The following MPP7 variants were observed in gnomAD, a reference collection of about 807,000 sequenced individuals.
MPP7 encodes MAGUK p55 scaffold protein 7, also known as MAGUK p55 subfamily member 7.
In MPP7, 60 loss-of-function variants were observed where a neutral mutation model predicts 76.5. The observed-to-expected ratio is 0.78, with a 90% confidence interval of 0.64 to 0.97. The LOEUF (loss-of-function observed/expected upper bound fraction) is 0.97. Ranked by LOEUF, MPP7 falls within the 50% of genes least tolerant of loss-of-function variation. The pLI is 0.00. For synonymous variants in MPP7, 237 were observed against 244.5 expected (o/e 0.97, Z 0.29); for missense variants, 641 against 694.0 (o/e 0.92, Z 0.86).
At chr10:28,223,599 T>C (rs1354267183) in intron 2 of MPP7, among the ~76,000 whole-genome samples, 1 of 152,146 alleles carries the variant, frequency 6.6e-6, no homozygotes, top group East Asian at 1.9e-4. Context: ...ATTACTGTTT[T>C]ACAAAATTAC....
chr10:28,281,668 T>C (rs1488805954), intron 1 of MPP7, among the ~76,000 whole-genome samples: 1 of 152,112 alleles, frequency 6.6e-6, no homozygotes, highest in Non-Finnish European at 1.5e-5. Flanking sequence ...TGCCAGGCAC[T>C]GCACTAAATA....
At chr10:28,323,546 C>A (rs1834385697) in intron 2 of MPP7, among the ~76,000 whole-genome samples, 1 of 151,958 alleles carries the variant, frequency 6.6e-6, no homozygotes, top group African/African-American at 2.4e-5. Context: ...AATTGCTGCT[C>A]TAAGAATTGT....
At chr10:28,173,733 C>T (rs1291953464) in intron 3 of MPP7, among the ~76,000 whole-genome samples, 6 of 152,102 alleles carry the variant, frequency 3.9e-5, no homozygotes, top group African/African-American at 1.4e-4. Context: ...TTCTCAACAC[C>T]TAGGAAAAAC....
intron 6 of MPP7, among the ~76,000 whole-genome samples, chr10:28,126,137 A>C (rs911150823): frequency 2.0e-5 from 3 of 152,204 alleles, no homozygotes; most frequent in African/African-American, 7.2e-5. Flanking sequence ...ATACATAGCC[A>C]ATAATAGTAA....
intron 3 of MPP7, among the ~76,000 whole-genome samples, chr10:28,158,745 CCTACAGCA>C (rs964417318): frequency 2.0e-5 from 3 of 152,090 alleles, no homozygotes; most frequent in African/African-American, 7.2e-5. Context: ...GATAATCCAG[CCTACAGCA>C]CTACAGGAGG....
intron 4 of MPP7, 115 bp from the exon 5 acceptor site, chr10:28,147,678 A>G (rs1164725236): frequency 5.8e-6 from 5 of 861,414 alleles, no homozygotes; most frequent in Admixed American, 3.8e-5. Flanking sequence ...ATGTTTAAGG[A>G]GAGGTCAGCA....
intron 13 of MPP7, among the ~76,000 whole-genome samples, chr10:28,065,257 C>T (rs1490628360): frequency 1.3e-5 from 2 of 152,174 alleles, no homozygotes; most frequent in African/African-American, 2.4e-5. Flanking sequence ...CGGCATCCCA[C>T]AGCAGGGTTA....
intron 1 of MPP7, among the ~76,000 whole-genome samples, chr10:28,279,350 T>C (rs1467798978): frequency 6.6e-6 from 1 of 152,112 alleles, no homozygotes; most frequent in African/African-American, 2.4e-5. Context: ...TGCAGGTTAG[T>C]GGATCTTTTT....
At chr10:28,262,198 T>C (rs1441801919) in intron 1 of MPP7, among the ~76,000 whole-genome samples, 6 of 22,988 alleles carry the variant, frequency 2.6e-4, no homozygotes, top group South Asian at 1.9e-3. Flanking sequence ...TATATATATA[T>C]ATATATATAC....
intron 7 of MPP7, among the ~76,000 whole-genome samples, chr10:28,124,603 G>A (rs1324651028): frequency 6.8e-6 from 1 of 147,150 alleles, no homozygotes; most frequent in Non-Finnish European, 1.5e-5. Flanking sequence ...AGCCTTGCAA[G>A]TAGCTGATAC....
intron 11 of MPP7, among the ~76,000 whole-genome samples, chr10:28,107,495 T>C (rs1259527809): frequency 6.6e-6 from 1 of 152,126 alleles, no homozygotes; most frequent in Non-Finnish European, 1.5e-5. Context: ...TCTTCACACC[T>C]CCCTGTATCC....
Position 28,120,200 on chromosome 10 carries a change from T to C in MPP7, c.881A>G (p.Gln294Arg). ...TTATGTACCAGCAGCTCACCTTTCCTGGAAATGCTTTGAGGGGATCAAGCC... is the reference window on the plus strand; with the variant it reads ...TTATGTACCAGCAGCTCACCTTTCCCGGAAATGCTTTGAGGGGATCAAGCC... ...RAGLIPSKHF[Q>R]ERRLALRRPE... is the part of the protein sequence containing the mutation. The change falls in exon 10 of 17, where the codon CAG (glutamine) becomes CGG (arginine). Residue 294 changes from glutamine (Q) to arginine (R), a missense_variant. Transcript: ENST00000683449. The C allele has an allele frequency of 1.9e-6, 3 of 1,612,720 alleles. No individual in the cohort carries two copies. Among genetic ancestry groups the C allele is most frequent in the Middle Eastern group, 3.3e-4 (2 of 6,040 alleles).
intron 11 of MPP7, among the ~76,000 whole-genome samples, chr10:28,096,576 A>T (rs1853580391): frequency 6.6e-6 from 1 of 152,174 alleles, no homozygotes; most frequent in Admixed American, 6.6e-5. Context: ...TAAGGTTTTC[A>T]ATTTTCCTTT....
intron 1 of MPP7, among the ~76,000 whole-genome samples, chr10:28,243,775 A>C (rs1388330253): frequency 1.3e-5 from 2 of 152,234 alleles, no homozygotes; most frequent in African/African-American, 2.4e-5. Context: ...AGATACAAAA[A>C]TATAAAGGTC....
At chr10:28,220,710 C>G (rs1362639081) in intron 2 of MPP7, among the ~76,000 whole-genome samples, 1 of 152,078 alleles carries the variant, frequency 6.6e-6, no homozygotes, top group Non-Finnish European at 1.5e-5. Flanking sequence ...AGAAAGTGGC[C>G]TATTTGGTTG....
chr10:28,178,900 T>C (rs1482983958), intron 3 of MPP7, among the ~76,000 whole-genome samples: 1 of 152,214 alleles, frequency 6.6e-6, no homozygotes, highest in Non-Finnish European at 1.5e-5. Context: ...AGCGAATTTT[T>C]AAGATTTTAA....
intron 1 of MPP7, among the ~76,000 whole-genome samples, chr10:28,262,654 C>A (rs982360869): frequency 6.6e-6 from 1 of 152,146 alleles, no homozygotes; most frequent in Non-Finnish European, 1.5e-5. Flanking sequence ...ACACAAAAAG[C>A]TGCACCTATT....
rs543880231 is a variant in MPP7, at chr10:28,263,491, G to A, written c.-131-24756C>T. Among the ~76,000 whole-genome samples the A allele has an allele frequency of 3.3e-5, 5 of 152,294 alleles. 1 individual carries two copies. The highest frequency in any genetic ancestry group is 1.2e-4 in the African/African-American group (5 of 41,546). ...CCAGTTGGCTCTTAAAAGTTCTACA[G>A]AGCTACATTTTTCCCGTCAATGTAG... On this transcript the variant is annotated intron_variant, in intron 1 of 16. Transcript: ENST00000683449.
chr10:28,121,422 T>G (rs1438171467), intron 8 of MPP7, among the ~76,000 whole-genome samples: 1 of 151,336 alleles, frequency 6.6e-6, no homozygotes, highest in East Asian at 1.9e-4. Context: ...AAAAAAAAAA[T>G]AAAGAACATT....
Sources: gnomAD v4.1 joint callset for allele counts (sites outside exome capture counted in the v4.1 genomes callset) on GRCh38, gnomAD v4.1.1 for gene constraint, MANE v1.5 for transcripts, NCBI Gene and HGNC (gene_info 2026-07-23, HGNC 2026-07-21) for gene names.